TSPAN5: variants seen among roughly 807,000 people sequenced by gnomAD.
TSPAN5 encodes tetraspanin-5.
TSPAN5 carries 10 observed loss-of-function variants against 37.1 expected under a neutral mutation model. The observed-to-expected ratio is 0.27, with a 90% CI of 0.17 to 0.46. The LOEUF (loss-of-function observed/expected upper bound fraction) is 0.46. Among genes scored for constraint, TSPAN5 ranks in the 20% least tolerant of loss-of-function variants. The pLI is 1.00. For synonymous variants in TSPAN5, 110 were observed against 118.9 expected (o/e 0.93, Z 0.48); for missense variants, 195 against 326.6 (o/e 0.60, Z 3.11).
At chr4:98,563,875 G>A (rs774748523) in intron 1 of TSPAN5, among the ~76,000 whole-genome samples, 7 of 152,154 alleles carry the variant, frequency 4.6e-5, no homozygotes, top group Non-Finnish European at 1.0e-4. Context: ...CTAGTGGGTA[G>A]AGGTTGGGGA....
At chr4:98,571,258 G>A (rs1755111301) in intron 1 of TSPAN5, among the ~76,000 whole-genome samples, 2 of 152,034 alleles carry the variant, frequency 1.3e-5, no homozygotes, top group African/African-American at 2.4e-5. Context: ...GTGAAGAACC[G>A]CGTGGACCCT....
intron 1 of TSPAN5, among the ~76,000 whole-genome samples, chr4:98,532,506 T>C (rs985786555): frequency 6.6e-6 from 1 of 152,228 alleles, no homozygotes; most frequent in Non-Finnish European, 1.5e-5. Context: ...GTTATTGGTG[T>C]ATAGCAATGC....
At chr4:98,639,592 G>A (rs1756922949) in intron 1 of TSPAN5, among the ~76,000 whole-genome samples, 1 of 151,926 alleles carries the variant, frequency 6.6e-6, no homozygotes, top group South Asian at 2.1e-4. Flanking sequence ...AAAGTGCTGG[G>A]ATCACAGGCA....
intron 1 of TSPAN5, among the ~76,000 whole-genome samples, chr4:98,592,428 G>GTTTTTTTTTTTTTT (rs35941064): frequency 2.5e-5 from 3 of 119,110 alleles, no homozygotes; most frequent in African/African-American, 6.3e-5. Context: ...TCTGTTTTTT[G>GTTTTTTTTTTTTTT]TTTTTTTTTT....
intron 2 of TSPAN5, among the ~76,000 whole-genome samples, chr4:98,495,395 G>A (rs1462359296): frequency 2.0e-5 from 3 of 152,068 alleles, no homozygotes; most frequent in Admixed American, 6.5e-5. Flanking sequence ...CAGGTGTGGT[G>A]GTGGGAGTAG....
chr4:98,492,348 G>A (rs1257208646), intron 2 of TSPAN5, among the ~76,000 whole-genome samples: 3 of 152,176 alleles, frequency 2.0e-5, no homozygotes, highest in Admixed American at 6.5e-5. Flanking sequence ...AACAAGAGTA[G>A]GGAGGGAAAA....
chr4:98,632,460 T>C (rs972044997), intron 1 of TSPAN5, among the ~76,000 whole-genome samples: 2 of 152,154 alleles, frequency 1.3e-5, no homozygotes, highest in Admixed American at 6.5e-5. Context: ...TATGCTGTCA[T>C]TCAAAATGAG....
At chr4:98,622,510 C>G (rs371406806) in intron 1 of TSPAN5, among the ~76,000 whole-genome samples, 1 of 152,142 alleles carries the variant, frequency 6.6e-6, no homozygotes, top group African/African-American at 2.4e-5. Context: ...ACAGTGGTTG[C>G]GCCATTTTCA....
At chr4:98,587,909 A>G (rs774638779) in intron 1 of TSPAN5, among the ~76,000 whole-genome samples, 7 of 152,006 alleles carry the variant, frequency 4.6e-5, no homozygotes, top group Non-Finnish European at 7.4e-5. Context: ...CAACAACAAC[A>G]ACAACAAAAC....
At chr4:98,610,378 C>T (rs1335446387) in intron 1 of TSPAN5, among the ~76,000 whole-genome samples, 3 of 152,198 alleles carry the variant, frequency 2.0e-5, no homozygotes, top group African/African-American at 7.2e-5. Flanking sequence ...CCAATATATG[C>T]TCTTTGGGGG....
At chr4:98,529,064 T>C (rs1024859249) in intron 1 of TSPAN5, among the ~76,000 whole-genome samples, 2 of 101,508 alleles carry the variant, frequency 2.0e-5, no homozygotes, top group African/African-American at 9.5e-5. Context: ...AACTCCAAGC[T>C]CTGTACCACA....
At chr4:98,583,310 C>G (rs1313625372) in intron 1 of TSPAN5, among the ~76,000 whole-genome samples, 1 of 152,102 alleles carries the variant, frequency 6.6e-6, no homozygotes, top group Non-Finnish European at 1.5e-5. Context: ...GTTTGTTACA[C>G]AGGTAAACTT....
intron 1 of TSPAN5, among the ~76,000 whole-genome samples, chr4:98,622,297 G>C (rs1025128267): frequency 6.6e-6 from 1 of 152,028 alleles, no homozygotes; most frequent in Admixed American, 6.6e-5. Context: ...GACTGGTCTC[G>C]AACTCCTGGC....
chr4:98,545,966 G>A (rs1462872387), intron 1 of TSPAN5, among the ~76,000 whole-genome samples: 2 of 151,954 alleles, frequency 1.3e-5, no homozygotes, highest in South Asian at 2.1e-4. Context: ...ATTTACCACA[G>A]ACACATAGTA....
intron 1 of TSPAN5, among the ~76,000 whole-genome samples, chr4:98,625,360 C>A (rs1756577182): frequency 6.6e-6 from 1 of 152,204 alleles, no homozygotes. Flanking sequence ...GTTGCCCAGT[C>A]ACACTGATAG....
At chr4:98,523,381 T>A (rs1753896538) in intron 1 of TSPAN5, among the ~76,000 whole-genome samples, 1 of 152,228 alleles carries the variant, frequency 6.6e-6, no homozygotes, top group Non-Finnish European at 1.5e-5. Flanking sequence ...ATCAGCAAGC[T>A]TCTAAAATGA....
intron 1 of TSPAN5, among the ~76,000 whole-genome samples, chr4:98,608,663 A>G (rs1479707934): frequency 6.6e-6 from 1 of 151,612 alleles, no homozygotes; most frequent in East Asian, 1.9e-4. Context: ...CAGGAAAAAG[A>G]AAAAAAAAGA....
intron 1 of TSPAN5, among the ~76,000 whole-genome samples, chr4:98,630,064 C>A (rs1353442565): frequency 1.3e-5 from 2 of 152,162 alleles, no homozygotes; most frequent in Non-Finnish European, 2.9e-5. Flanking sequence ...TTGGTGTGGT[C>A]AGAGATGGGC....
intron 1 of TSPAN5, among the ~76,000 whole-genome samples, chr4:98,629,536 C>A (rs542648252): frequency 9.1e-4 from 139 of 152,314 alleles, no homozygotes; most frequent in Non-Finnish European, 1.6e-3. Flanking sequence ...ATGAAGCAGT[C>A]TCCTGGTCTT....
Sources: allele counts gnomAD v4.1 joint callset (sites outside exome capture counted in the v4.1 genomes callset), GRCh38; gene constraint gnomAD v4.1.1; transcripts MANE v1.5; gene names NCBI Gene and HGNC (gene_info 2026-07-23, HGNC 2026-07-21).